AK4: variants seen among roughly 807,000 people sequenced by gnomAD.
AK4 encodes the protein adenylate kinase 4, mitochondrial.
Under a neutral mutation model 24.6 loss-of-function variants are expected in AK4, and 13 were observed. That is an observed-to-expected ratio of 0.53 (90% CI 0.34 to 0.84). AK4 has a LOEUF of 0.84. Ranked by LOEUF, AK4 falls within the 40% of genes least tolerant of loss-of-function variation. AK4 has a pLI of 0.01. For missense variants in AK4, 192 were observed against 288.2 expected (o/e 0.67, Z 2.42); for synonymous variants, 88 against 107.0 (o/e 0.82, Z 1.10).
chr1:65,214,411 C>T (rs1022797211), intron 2 of AK4, among the ~76,000 whole-genome samples: 1 of 152,040 alleles, frequency 6.6e-6, no homozygotes, highest in African/African-American at 2.4e-5. Context: ...GTGCCCGGCC[C>T]CTTGTTTCAT....
chr1:65,171,947 C>T (rs1215671811), intron 1 of AK4, among the ~76,000 whole-genome samples: 2 of 150,436 alleles, frequency 1.3e-5, no homozygotes, highest in East Asian at 3.9e-4. Context: ...CTATAATCCC[C>T]GCTACTCGGG....
intron 1 of AK4, among the ~76,000 whole-genome samples, chr1:65,190,421 G>A (rs1009247880): frequency 7.7e-6 from 1 of 129,460 alleles, no homozygotes; most frequent in African/African-American, 2.9e-5. Context: ...AGCCACACAC[G>A]TGGCCACTGT....
At chr1:65,176,825 C>A (rs1444252709) in intron 1 of AK4, among the ~76,000 whole-genome samples, 2 of 152,148 alleles carry the variant, frequency 1.3e-5, no homozygotes, top group Admixed American at 6.5e-5. Flanking sequence ...CCCAGCCTGG[C>A]AGTAGTAGTT....
chr1:65,179,810 C>T (rs1197581604), intron 1 of AK4, among the ~76,000 whole-genome samples: 2 of 151,944 alleles, frequency 1.3e-5, no homozygotes, highest in Admixed American at 6.6e-5. Context: ...ACTTCAGCCT[C>T]GGTGACAAAG....
intron 1 of AK4, among the ~76,000 whole-genome samples, chr1:65,185,216 C>G (rs1035219248): frequency 2.0e-5 from 3 of 152,130 alleles, no homozygotes; most frequent in African/African-American, 7.2e-5. Flanking sequence ...GGGCCTGCGA[C>G]CCATGTAGGC....
In AK4 at chr1:65,212,116, G is replaced by A. The variant is rs138492522; in HGVS notation, c.266-6638G>A. On this transcript the variant is annotated intron_variant, in intron 2 of 4. Transcript: ENST00000327299. Reference sequence around the variant, plus strand: ...ACAGAGAAATGAGGTGAGAGAGGTGGCAGGACAGGGGCCCAGATGGGTAGG... The same window carrying A: ...ACAGAGAAATGAGGTGAGAGAGGTGACAGGACAGGGGCCCAGATGGGTAGG... 3.6e-3 allele frequency among the ~76,000 whole-genome samples: 545 copies of A among 152,260 alleles called. 2 individuals are homozygous for A. Among genetic ancestry groups the A allele is most frequent in the African/African-American group, 0.013 (532 of 41,540 alleles).
At chr1:65,172,552 T>C (rs1345539880) in intron 1 of AK4, among the ~76,000 whole-genome samples, 1 of 152,096 alleles carries the variant, frequency 6.6e-6, no homozygotes, top group Non-Finnish European at 1.5e-5. Context: ...GAGACTTGGG[T>C]ATAGAATAAG....
intron 2 of AK4, among the ~76,000 whole-genome samples, chr1:65,212,188 A>G (rs1651991450): frequency 6.6e-6 from 1 of 152,200 alleles, no homozygotes; most frequent in South Asian, 2.1e-4. Flanking sequence ...CATGTAATAT[A>G]TCTGGCACAT....
chr1:65,186,170 C>T (rs1472151879), intron 1 of AK4, among the ~76,000 whole-genome samples: 1 of 152,140 alleles, frequency 6.6e-6, no homozygotes, highest in Admixed American at 6.5e-5. Context: ...GAGTCTCGCT[C>T]TGTCGCCCAG....
intron 3 of AK4, among the ~76,000 whole-genome samples, chr1:65,223,795 G>A (rs1355727782): frequency 6.6e-6 from 1 of 152,070 alleles, no homozygotes; most frequent in African/African-American, 2.4e-5. Context: ...AGGAGTTCGA[G>A]ACCAGCCTGA....
At chr1:65,154,602 G>A (rs1649912549) in intron 1 of AK4, 5 of 511,500 alleles carry the variant, frequency 9.8e-6, no homozygotes, top group African/African-American at 1.9e-5. Flanking sequence ...CGTGCTGCCA[G>A]TGTTTCCGTC....
chr1:65,215,203 T>C (rs1652094680), intron 2 of AK4, among the ~76,000 whole-genome samples: 1 of 151,542 alleles, frequency 6.6e-6, no homozygotes, highest in East Asian at 1.9e-4. Flanking sequence ...GGCGGAGTCT[T>C]GCTCTGTCAC....
Position 65,190,641 on chromosome 1 carries a change from T to TA in AK4, c.146-67dup, listed in dbSNP as rs377413957. The TA allele has an allele frequency of 1.2e-4, 193 of 1,554,690 alleles. 1 individual carries two copies. The African/African-American group carries it at 2.4e-3, about 19-fold the overall frequency. On this transcript the variant is annotated intron_variant, in intron 1 of 4. Coordinates refer to ENST00000327299, the MANE Select transcript of AK4 (RefSeq NM_013410.4). ...AGGAAGGATGGAGAGAAGGCAAAAC[T>TA]AAGAGTTGGTAAGCTTTGTGTTTGG... is the stretch of plus-strand genomic sequence containing the variant.
intron 1 of AK4, among the ~76,000 whole-genome samples, chr1:65,168,105 GGT>G (rs1393957349): frequency 6.6e-6 from 1 of 151,204 alleles, no homozygotes; most frequent in African/African-American, 2.4e-5. Context: ...GGTTAAGTGT[GGT>G]AGAACCACTG....
intron 1 of AK4, among the ~76,000 whole-genome samples, chr1:65,164,758 T>C (rs1650277223): frequency 6.6e-6 from 1 of 152,372 alleles, no homozygotes; most frequent in African/African-American, 2.4e-5. Flanking sequence ...GAAGTCCAGA[T>C]GATCTATTTT....
chr1:65,162,661 T>A (rs2100995314), intron 1 of AK4, among the ~76,000 whole-genome samples: 1 of 151,476 alleles, frequency 6.6e-6, no homozygotes, highest in South Asian at 2.1e-4. Flanking sequence ...GCTAACACGG[T>A]GAAACACCAA....
At chr1:65,199,053 C>T (rs559338816) in intron 2 of AK4, among the ~76,000 whole-genome samples, 3 of 147,516 alleles carry the variant, frequency 2.0e-5, no homozygotes, top group African/African-American at 7.6e-5. Context: ...TGCCACTGCA[C>T]TCCAGCCTGG....
chr1:65,190,792 G>A lies in AK4; in HGVS notation c.228G>A (p.Glu76=). 6.2e-7 allele frequency: 1 copy of A among 1,614,178 alleles called. No homozygotes were observed. Among genetic ancestry groups the A allele is most frequent in the Non-Finnish European group, 8.5e-7 (1 of 1,180,010 alleles). The change falls in exon 2 of 5, where the codon GAG becomes GAA. Residue 76 remains glutamate (E), a synonymous_variant. Coordinates refer to ENST00000327299, the MANE Select transcript of AK4 (RefSeq NM_013410.4). The part of the protein sequence containing the change: ...DHVITRLMMS[E]LENRRGQHWL... ...TGATCACACGCCTAATGATGTCCGA[G>A]TTGGAGAACAGGCGTGGCCAGCACT...
At chr1:65,164,602 A>G (rs570814677) in intron 1 of AK4, among the ~76,000 whole-genome samples, 1 of 152,314 alleles carries the variant, frequency 6.6e-6, no homozygotes, top group African/African-American at 2.4e-5. Context: ...TGCCCATTTT[A>G]AAATTGGCTC....
Sources: allele counts gnomAD v4.1 joint callset (sites outside exome capture counted in the v4.1 genomes callset), GRCh38; gene constraint gnomAD v4.1.1; transcripts MANE v1.5; gene names NCBI Gene and HGNC (gene_info 2026-07-23, HGNC 2026-07-21).